FNDC1: variants seen among roughly 807,000 people sequenced by gnomAD.
FNDC1 encodes fibronectin type III domain containing 1.
Under a neutral mutation model 168.0 loss-of-function variants are expected in FNDC1, and 96 were observed. The observed-to-expected ratio is 0.57, with a 90% confidence interval of 0.48 to 0.68. FNDC1 has a LOEUF of 0.68. Ranked by LOEUF, FNDC1 falls within the 30% of genes least tolerant of loss-of-function variation. FNDC1 has a pLI of 0.00. For synonymous variants in FNDC1, 1,099 were observed against 1,025.9 expected, an observed-to-expected ratio of 1.07 and a Z score of -1.36; for missense variants, 2,587 against 2,482.1, an observed-to-expected ratio of 1.04 and a Z score of -0.90.
In FNDC1 at chr6:159,226,477, T is replaced by C; in HGVS notation, c.1077T>C (p.Pro359=). The C allele has an allele frequency of 6.2e-7, 1 of 1,611,312 alleles. No homozygotes were observed. The highest frequency in any genetic ancestry group is 8.5e-7 in the Non-Finnish European group (1 of 1,178,696). The change falls in exon 9 of 23, where the codon CCT becomes CCC. Residue 359 remains proline, a synonymous_variant. Coordinates refer to ENST00000297267, the MANE Select transcript of FNDC1 (RefSeq NM_032532.3). ...TCTTTCCTTGTCATTTTGTAGCCCCTACCACAGCTCCTGAAAACTTGAACG... is the reference window on the plus strand; with the variant it reads ...TCTTTCCTTGTCATTTTGTAGCCCCCACCACAGCTCCTGAAAACTTGAACG... ...SVFQRTPESA[P]TTAPENLNVW... is the part of the protein sequence containing the mutation.
chr6:159,229,841 C>A lies in FNDC1; in HGVS notation c.1207C>A (p.Leu403Ile). Residue 403 changes from leucine (L) to isoleucine (I), a missense_variant, in exon 10 of 23, where the codon CTC becomes ATC. Physicochemically the swap from Leu to Ile is conservative, Grantham distance 5. Coordinates refer to ENST00000297267, the MANE Select transcript of FNDC1 (RefSeq NM_032532.3). Reference protein sequence around the residue: ...KEYILSYAPALKPFGAKSLTY... With the variant: ...KEYILSYAPAIKPFGAKSLTY... ...ATACATTCTTTCATACGCCCCGGCT[C>A]TCAAACCATTTGGAGCAAAGTCCCT... 1 of 1,613,360 alleles carries A rather than the reference C, an allele frequency of 6.2e-7. No homozygotes were observed. The highest frequency in any genetic ancestry group is 8.5e-7 in the Non-Finnish European group (1 of 1,179,564).
At chr6:159,253,503 CT>C (rs1285406199) in intron 17 of FNDC1, among the ~76,000 whole-genome samples, 1 of 152,206 alleles carries the variant, frequency 6.6e-6, no homozygotes, top group Non-Finnish European at 1.5e-5. Context: ...GCCATTCTTT[CT>C]TTCACAAGCA....
chr6:159,264,237 G>C lies in FNDC1; in HGVS notation c.5255-738G>C, dbSNP rs1310713624. On this transcript the variant is annotated intron_variant, in intron 19 of 22. Transcript: ENST00000297267. The stretch of plus-strand genomic sequence containing the variant: ...GCTACTGTGCAATGCAGCTTTCCCA[G>C]GGTCCTTGTCTCTCTAGTTTATAGG... 2.0e-5 allele frequency among the ~76,000 whole-genome samples: 3 copies of C among 152,178 alleles called. No individual in the cohort carries two copies. In the East Asian group the frequency reaches 5.8e-4, roughly 29 times the overall value.
At position 159,233,100 on chromosome 6, in the gene FNDC1, C is replaced by G. The variant is rs774578158; in HGVS notation, c.2588C>G (p.Ser863Cys). 6.2e-7 allele frequency: 1 copy of G among 1,603,242 alleles called. No individual in the cohort carries two copies. The highest frequency in any genetic ancestry group is 8.5e-7 in the Non-Finnish European group (1 of 1,175,116). ...VPSRAHPRVPSHSDSHPKLSS... is the reference protein window; with the variant it reads ...VPSRAHPRVPCHSDSHPKLSS... ...TCCCGAGCCCACCCCAGGGTTCCCT[C>G]TCACTCTGATTCCCACCCTAAGCTT... The change falls in exon 11 of 23, where the codon TCT (serine) becomes TGT (cysteine). Residue 863 changes from serine to cysteine, a missense_variant. Ser to Cys is a moderately radical substitution (Grantham distance 112). Transcript: ENST00000297267. This position sits in a 1 kb window ranked among gnomAD's most constrained non-coding sequence, Gnocchi z 4.6.
intron 12 of FNDC1, among the ~76,000 whole-genome samples, chr6:159,237,036 G>GATA: frequency 6.6e-6 from 1 of 152,198 alleles, no homozygotes; most frequent in Middle Eastern, 3.4e-3. Flanking sequence ...ATAATGATAA[G>GATA]GTTTAGGGAA....
rs1395011217 is a variant in FNDC1, at chr6:159,233,670, C to G, written c.3158C>G (p.Ser1053Trp). 1 of 1,550,206 alleles carries G rather than the reference C, an allele frequency of 6.5e-7. No individual in the cohort carries two copies. Among genetic ancestry groups the G allele is most frequent in the Non-Finnish European group, 8.7e-7 (1 of 1,148,090 alleles). ...PTSQGRSHSS[S>W]DPYTASSRGM... ...TCGCAGGGCCGCTCCCACTCCTCCT[C>G]GGACCCTTACACGGCGAGCTCCAGA... The change falls in exon 11 of 23, where the codon TCG (serine) becomes TGG (tryptophan). Residue 1053 changes from serine to tryptophan, a missense_variant. Ser to Trp is a radical substitution (Grantham distance 177). Transcript: ENST00000297267. This position sits in a 1 kb window ranked among gnomAD's most constrained non-coding sequence, Gnocchi z 4.6.
intron 19 of FNDC1, among the ~76,000 whole-genome samples, chr6:159,263,280 C>A (rs893233538): frequency 1.3e-5 from 2 of 152,138 alleles, no homozygotes; most frequent in Non-Finnish European, 2.9e-5. Flanking sequence ...CTGTACAAAG[C>A]ACAGCCTAGG....
intron 4 of FNDC1, among the ~76,000 whole-genome samples, chr6:159,204,441 C>T (rs144208110): frequency 2.4e-4 from 37 of 152,344 alleles, no homozygotes; most frequent in African/African-American, 8.9e-4. Flanking sequence ...ATCTCACTTC[C>T]TCAACACCCT....
intron 21 of FNDC1, among the ~76,000 whole-genome samples, chr6:159,266,711 A>G (rs1202894479): frequency 3.3e-5 from 5 of 150,638 alleles, no homozygotes; most frequent in Admixed American, 1.3e-4. Context: ...CACTAATACA[A>G]TAATAATGAG....
chr6:159,184,070 C>T lies in FNDC1; in HGVS notation c.110-13361C>T, dbSNP rs1279569808. The stretch of plus-strand genomic sequence containing the variant: ...TGACTGTCACTTACTAGATGTGTGC[C>T]CTTGGGCAAATCACTTAACTCTCTG... On this transcript the variant is annotated intron_variant, in intron 1 of 22. Transcript: ENST00000297267. Among the ~76,000 whole-genome samples, 71 of 152,286 alleles carry T rather than the reference C, an allele frequency of 4.7e-4. 3 individuals are homozygous for T. The highest frequency in any genetic ancestry group is 4.6e-3 in the Admixed American group (70 of 15,298).
chr6:159,236,342 C>T (rs60843887), intron 12 of FNDC1, 27 bp downstream of exon 12: 65 of 1,496,598 alleles, frequency 4.3e-5, no homozygotes, highest in Middle Eastern at 3.4e-4. Flanking sequence ...TACACATCCC[C>T]GTTGTTTTCA....
At chr6:159,222,763 C>T (rs1782857440) in intron 6 of FNDC1, among the ~76,000 whole-genome samples, 1 of 152,124 alleles carries the variant, frequency 6.6e-6, no homozygotes, top group Non-Finnish European at 1.5e-5. Flanking sequence ...GTTGTTTGAA[C>T]CAGAATTTTC....
At chr6:159,251,808 A>G (rs367882980) in intron 17 of FNDC1, among the ~76,000 whole-genome samples, 1 of 152,174 alleles carries the variant, frequency 6.6e-6, no homozygotes, top group Non-Finnish European at 1.5e-5. Flanking sequence ...TCAGTACTTC[A>G]TCTTTCTGGG....
intron 21 of FNDC1, 76 bp from the exon 22 acceptor site, chr6:159,267,728 G>A (rs986460430): frequency 6.5e-7 from 1 of 1,535,356 alleles, no homozygotes; most frequent in East Asian, 2.3e-5. Flanking sequence ...AGTCTCCAAA[G>A]CTTGTGCAAA....
chr6:159,255,309 C>A (rs1488246514), intron 17 of FNDC1, among the ~76,000 whole-genome samples: 1 of 152,186 alleles, frequency 6.6e-6, no homozygotes, highest in Non-Finnish European at 1.5e-5. Flanking sequence ...TTCCCACTAC[C>A]TGGAATCCAT....
At chr6:159,257,878 C>T (rs1018245490) in intron 18 of FNDC1, among the ~76,000 whole-genome samples, 9 of 146,624 alleles carry the variant, frequency 6.1e-5, no homozygotes, top group African/African-American at 2.3e-4. Context: ...ACAAAACCAA[C>T]AAAATTAGAG....
At chr6:159,264,893 A>G in intron 19 of FNDC1, 82 bp from the exon 20 acceptor site, 1 of 1,149,554 alleles carries the variant, frequency 8.7e-7, no homozygotes, top group Non-Finnish European at 1.2e-6. Context: ...TTGGTTAGCT[A>G]TTTCAGTTAC....
In FNDC1 at chr6:159,261,245, T is replaced by A; in HGVS notation, c.5230T>A (p.Ser1744Thr). 1 of 1,613,074 alleles carries A rather than the reference T, an allele frequency of 6.2e-7. No individual in the cohort carries two copies. The highest frequency in any genetic ancestry group is 8.5e-7 in the Non-Finnish European group (1 of 1,179,456). The change falls in exon 19 of 23, where the codon TCG becomes ACG. Residue 1744 changes from serine (S) to threonine (T), a missense_variant. Coordinates refer to ENST00000297267, the MANE Select transcript of FNDC1 (RefSeq NM_032532.3). ...TCATGGCTACGGACCTATCAGCCCT[T>A]CGGTCTCATTTGTCACCGAATCAGG... ...NPHGYGPISP[S>T]VSFVTESDNP...
Position 159,271,428 on chromosome 6 carries a change from C to T in FNDC1, c.5671C>T (p.Pro1891Ser). The T allele has an allele frequency of 6.2e-7, 1 of 1,608,956 alleles. No individual in the cohort carries two copies. The highest frequency in any genetic ancestry group is 8.5e-7 in the Non-Finnish European group (1 of 1,177,646). Residue 1891 changes from proline to serine, a missense_variant, in exon 23 of 23, where the codon CCT (proline) becomes TCT (serine). By Grantham distance (74) the Pro-to-Ser change is moderately conservative. Transcript: ENST00000297267. ...CTGGTACGAGTGTGGGGTCTCCATC[C>T]CTGGAAAGTGGTAATCACAGGACCG... ...VGWYECGVSI[P>S]GKW is the part of the protein sequence containing the mutation.
Sources: gnomAD v4.1 joint callset for allele counts (sites outside exome capture counted in the v4.1 genomes callset) on GRCh38, gnomAD v4.1.1 for gene constraint, Gnocchi (gnomAD v3.1) non-coding constraint, MANE v1.5 for transcripts, NCBI Gene and HGNC (gene_info 2026-07-23, HGNC 2026-07-21) for gene names.